The following NTRK1 variants were observed in gnomAD, a reference collection of about 807,000 sequenced individuals.
NTRK1 encodes neurotrophic receptor tyrosine kinase 1.
In NTRK1, 62 loss-of-function variants were observed where a neutral mutation model predicts 86.8. The observed-to-expected ratio is 0.71, with a 90% CI of 0.58 to 0.88. The LOEUF is 0.88. NTRK1 is among the 40% of genes least tolerant of loss of function. NTRK1 has a pLI of 0.00. For missense variants in NTRK1, 967 were observed against 1,078.4 expected, an observed-to-expected ratio of 0.90 and a Z score of 1.45; for synonymous variants, 469 against 456.6, an observed-to-expected ratio of 1.03 and a Z score of -0.35.
exon 2 of NTRK1, chr1:156,842,166 C>A (rs1403617672): frequency 1.2e-6 from 2 of 1,614,002 alleles, no homozygotes; most frequent in African/African-American, 2.7e-5. Context: ...GCTGCTAGAT[C>A]TCGGTGCACA....
At chr1:156,827,490 G>GA (rs1200775074) in intron 1 of NTRK1, among the ~76,000 whole-genome samples, 1 of 152,132 alleles carries the variant, frequency 6.6e-6, no homozygotes. Context: ...TCGAACTCTT[G>GA]ACCTCAGGTG....
chr1:156,858,509 G>C (rs1251062063), upstream of NTRK1: 52 of 1,585,012 alleles, frequency 3.3e-5, no homozygotes, highest in Admixed American at 5.2e-4. Flanking sequence ...GGGAGGTAGG[G>C]GTCTGGGAGC....
chr1:156,847,602 C>G (rs1241968367), intron 2 of NTRK1, among the ~76,000 whole-genome samples: 1 of 151,880 alleles, frequency 6.6e-6, no homozygotes, highest in Admixed American at 6.6e-5. Context: ...AGTGGGGGAA[C>G]TTGTGGCCCA....
At chr1:156,875,458 G>A (rs1257133666) in intron 11 of NTRK1, 62 bp from the exon 12 acceptor site, 2 of 1,607,874 alleles carry the variant, frequency 1.2e-6, no homozygotes, top group Non-Finnish European at 1.7e-6. Context: ...CATCCTGCAG[G>A]CAAGGGTGGG....
chr1:156,861,274 C>A, intron 1 of NTRK1, 128 bp downstream of exon 1: 1 of 1,065,102 alleles, frequency 9.4e-7, no homozygotes, highest in African/African-American at 3.0e-5. Flanking sequence ...CACCACGCAG[C>A]CTTCGGCGCT....
At chr1:156,823,600 G>A (rs973737068) in intron 1 of NTRK1, among the ~76,000 whole-genome samples, 6 of 152,198 alleles carry the variant, frequency 3.9e-5, no homozygotes, top group Admixed American at 3.3e-4. Context: ...CCTCAAAAGA[G>A]GAAGGGGTCT....
chr1:156,838,021 C>T (rs1396711031), intron 1 of NTRK1, among the ~76,000 whole-genome samples: 1 of 152,146 alleles, frequency 6.6e-6, no homozygotes, highest in Non-Finnish European at 1.5e-5. Context: ...CTCTCTGCTC[C>T]GTAGCCAGAG....
chr1:156,824,540 C>A (rs1654272761), intron 1 of NTRK1, among the ~76,000 whole-genome samples: 1 of 152,212 alleles, frequency 6.6e-6, no homozygotes, highest in African/African-American at 2.4e-5. Context: ...TGGATTACTG[C>A]CTTGGACGTC....
chr1:156,874,818 C>G (rs2102911408), intron 10 of NTRK1, 88 bp from the exon 11 acceptor site: 1 of 1,221,246 alleles, frequency 8.2e-7, no homozygotes, highest in Non-Finnish European at 1.2e-6. Context: ...CTCCGGGCTC[C>G]CATGCAGGAT....
In NTRK1 at chr1:156,875,516, C is replaced by G. The variant is rs981404213; in HGVS notation, c.1355-4C>G. 12 of 1,613,840 alleles carry G rather than the reference C, an allele frequency of 7.4e-6. No individual in the cohort carries two copies. The highest frequency in any genetic ancestry group is 8.5e-6 in the Non-Finnish European group (10 of 1,180,008). On this transcript the variant is annotated splice_region_variant and splice_polypyrimidine_tract_variant and intron_variant, in intron 11 of 16. Coordinates refer to ENST00000524377, the MANE Select transcript of NTRK1 (RefSeq NM_002529.4). ...CCCTCCATGCGGCTGTGTCTCCTCTCTAGGCCCGGCTGTGCTGGCTCCAGA... is the reference window on the plus strand; with the variant it reads ...CCCTCCATGCGGCTGTGTCTCCTCTGTAGGCCCGGCTGTGCTGGCTCCAGA...
At chr1:156,838,911 G>A (rs1489577973) in intron 1 of NTRK1, among the ~76,000 whole-genome samples, 2 of 152,268 alleles carry the variant, frequency 1.3e-5, no homozygotes, top group African/African-American at 4.8e-5. Context: ...AGGCATGCCT[G>A]TGTGCTCTGT....
chr1:156,824,638 C>G (rs1457657138), intron 1 of NTRK1, among the ~76,000 whole-genome samples: 2 of 152,184 alleles, frequency 1.3e-5, no homozygotes, highest in East Asian at 3.9e-4. Flanking sequence ...TTAGTCTCTG[C>G]TAGGGCTCAA....
upstream of NTRK1, among the ~76,000 whole-genome samples, chr1:156,857,922 AC>A (rs2102874524): frequency 6.7e-6 from 1 of 149,394 alleles, no homozygotes; most frequent in Admixed American, 6.7e-5. Context: ...TAGTCCCCCC[AC>A]CCCTCCTCTC....
chr1:156,868,016 C>T (rs1647271264), intron 4 of NTRK1, 88 bp from the exon 5 acceptor site: 1 of 1,455,698 alleles, frequency 6.9e-7, no homozygotes, highest in East Asian at 2.3e-5. Context: ...TGTAGACGGT[C>T]CTCCCTGCTG....
chr1:156,845,197 C>A (rs752160329), intron 2 of NTRK1: 2 of 1,609,396 alleles, frequency 1.2e-6, no homozygotes, highest in African/African-American at 1.3e-5. Context: ...CGCTCAGCAC[C>A]GCTCGCTCAC....
intron 14 of NTRK1, 35 bp downstream of exon 14, chr1:156,876,607 C>T: frequency 6.3e-7 from 1 of 1,592,280 alleles, no homozygotes; most frequent in Non-Finnish European, 8.5e-7. Flanking sequence ...GGCCCCGGCC[C>T]CTGGCTCTGG....
chr1:156,823,505 C>T (rs1654242259), intron 1 of NTRK1, among the ~76,000 whole-genome samples: 1 of 152,106 alleles, frequency 6.6e-6, no homozygotes. Context: ...TGTGGGATAC[C>T]ATGCTGAGAG....
At chr1:156,847,211 AC>A (rs1362068972) in intron 2 of NTRK1, among the ~76,000 whole-genome samples, 1 of 152,184 alleles carries the variant, frequency 6.6e-6, no homozygotes, top group Non-Finnish European at 1.5e-5. Context: ...AGCCTCCCAA[AC>A]TATAGCAAAG....
At chr1:156,857,881 C>T (rs553738374), upstream of NTRK1, among the ~76,000 whole-genome samples, 142 of 152,334 alleles carry the variant, frequency 9.3e-4, no homozygotes, top group Non-Finnish European at 1.6e-3. Flanking sequence ...ACCAATCCCC[C>T]AGCACCTCCA....
Sources: allele counts gnomAD v4.1 joint callset (sites outside exome capture counted in the v4.1 genomes callset), GRCh38; gene constraint gnomAD v4.1.1; transcripts MANE v1.5; gene names NCBI Gene and HGNC (gene_info 2026-07-23, HGNC 2026-07-21).